The following LNX1 variants were observed in gnomAD, a reference collection of about 807,000 sequenced individuals.
The protein encoded by LNX1 is ligand of numb-protein X 1.
In LNX1, 54 loss-of-function variants were observed where a neutral mutation model predicts 68.4. The ratio of observed to expected loss-of-function variants is 0.79; its 90% CI spans 0.63 to 0.99. The LOEUF (loss-of-function observed/expected upper bound fraction) is 0.99, where lower values mean the gene tolerates loss of function less well. LNX1 is among the 50% of genes least tolerant of loss of function. LNX1 has a pLI of 0.00. For synonymous variants in LNX1, 336 were observed against 350.0 expected (o/e 0.96, Z 0.45); for missense variants, 906 against 926.4 (o/e 0.98, Z 0.29).
chr4:53,568,805 T>G (rs1269570801), intron 2 of LNX1, among the ~76,000 whole-genome samples: 1 of 152,128 alleles, frequency 6.6e-6, no homozygotes, highest in Non-Finnish European at 1.5e-5. Flanking sequence ...ATAAGCGACT[T>G]CAGCAAAGTC....
intron 6 of LNX1, among the ~76,000 whole-genome samples, chr4:53,487,670 G>A (rs1724401188): frequency 6.6e-6 from 1 of 152,172 alleles, no homozygotes; most frequent in Admixed American, 6.5e-5. Flanking sequence ...GGAGACTCAT[G>A]CTTGATTGCG....
chr4:53,547,197 C>T lies in LNX1; in HGVS notation c.380+26426G>A, dbSNP rs146449230. Among the ~76,000 whole-genome samples the T allele has an allele frequency of 7.4e-4, 113 of 152,170 alleles. 1 individual carries two copies. The highest frequency in any genetic ancestry group is 2.6e-3 in the African/African-American group (108 of 41,518). ...GACACTGCAAATTATCTTTGCATGGCGTTATCAATTCTAAGATGGAATCTA... is the reference window on the plus strand; with the variant it reads ...GACACTGCAAATTATCTTTGCATGGTGTTATCAATTCTAAGATGGAATCTA... On this transcript the variant is annotated intron_variant, in intron 2 of 10. Coordinates refer to ENST00000263925, the MANE Select transcript of LNX1 (RefSeq NM_001126328.3).
intron 2 of LNX1, among the ~76,000 whole-genome samples, chr4:53,566,943 A>C (rs2109757251): frequency 6.6e-6 from 1 of 152,336 alleles, no homozygotes; most frequent in African/African-American, 2.4e-5. Flanking sequence ...AAGAAGAGCT[A>C]ACTATCCTAA....
At position 53,575,822 on chromosome 4, in the gene LNX1, A is replaced by T; in HGVS notation, c.-86-1734T>A. On this transcript the variant is annotated intron_variant, in intron 1 of 10. Coordinates refer to ENST00000263925, the MANE Select transcript of LNX1 (RefSeq NM_001126328.3). ...CTTCCTCCAGAGGTGGCAGCAATGG[A>T]CCAGCTACTAGGGGACCTAAACAGG... The T allele has an allele frequency of 2.5e-6, 4 of 1,586,912 alleles. 1 individual carries two copies. The South Asian group carries it at 3.5e-5, about 14-fold the overall frequency.
chr4:53,570,666 A>G (rs1383659902), intron 2 of LNX1, among the ~76,000 whole-genome samples: 1 of 143,724 alleles, frequency 7.0e-6, no homozygotes, highest in Non-Finnish European at 1.5e-5. Flanking sequence ...AAGTATAATA[A>G]TAAATAAATA....
At chr4:53,525,673 T>C (rs1393235197) in intron 2 of LNX1, among the ~76,000 whole-genome samples, 3 of 152,214 alleles carry the variant, frequency 2.0e-5, no homozygotes, top group Non-Finnish European at 4.4e-5. Context: ...TGCACCAACC[T>C]AGTAACTTGA....
intron 2 of LNX1, among the ~76,000 whole-genome samples, chr4:53,604,684 A>G (rs769145351): frequency 1.3e-5 from 2 of 152,246 alleles, no homozygotes; most frequent in Non-Finnish European, 2.9e-5. Flanking sequence ...CCAAAAATGA[A>G]TTATGAATAT....
chr4:53,550,180 G>A (rs991711324), intron 2 of LNX1, among the ~76,000 whole-genome samples: 2 of 152,198 alleles, frequency 1.3e-5, no homozygotes, highest in African/African-American at 2.4e-5. Flanking sequence ...AGGGCCATGC[G>A]GCTTCAATTT....
At chr4:53,556,444 C>G (rs1408288476) in intron 2 of LNX1, among the ~76,000 whole-genome samples, 1 of 152,044 alleles carries the variant, frequency 6.6e-6, no homozygotes, top group Non-Finnish European at 1.5e-5. Flanking sequence ...GACAGCAGCC[C>G]TAGGAAACCA....
rs1191663294 is a variant in LNX1, at chr4:53,505,362, C to T, written c.775+1955G>A. Among the ~76,000 whole-genome samples, 16 of 151,648 alleles carry T rather than the reference C, an allele frequency of 1.1e-4. No homozygotes were observed. The East Asian group carries it at 2.1e-3, about 20-fold the overall frequency. ...GCCTCCCAGGTTCAAGCAATTCTCCCGCCTCAGCCTCCCAAGTAGCTGGGA... is the reference window on the plus strand; with the variant it reads ...GCCTCCCAGGTTCAAGCAATTCTCCTGCCTCAGCCTCCCAAGTAGCTGGGA... On this transcript the variant is annotated intron_variant, in intron 4 of 10. Transcript: ENST00000263925.
chr4:53,553,887 T>G (rs1312938615), intron 2 of LNX1, among the ~76,000 whole-genome samples: 2 of 152,206 alleles, frequency 1.3e-5, no homozygotes, highest in Admixed American at 6.5e-5. Context: ...ACACACCTGA[T>G]AGCAATAACT....
At chr4:53,544,332 T>C (rs1013379037) in intron 2 of LNX1, among the ~76,000 whole-genome samples, 3 of 152,186 alleles carry the variant, frequency 2.0e-5, no homozygotes, top group African/African-American at 7.2e-5. Context: ...TAGCTGGGAC[T>C]ACAGGCGCAT....
chr4:53,499,552 G>A (rs1019968548), intron 4 of LNX1, among the ~76,000 whole-genome samples: 3 of 152,170 alleles, frequency 2.0e-5, no homozygotes, highest in African/African-American at 7.2e-5. Flanking sequence ...ATCTCTGCAT[G>A]CAGAGGCCTT....
intron 2 of LNX1, among the ~76,000 whole-genome samples, chr4:53,597,236 C>T (rs2109830000): frequency 6.6e-6 from 1 of 152,302 alleles, no homozygotes; most frequent in East Asian, 1.9e-4. Context: ...CTGATCAGTC[C>T]CTCTTCCTGG....
chr4:53,546,740 C>T (rs1729143735), intron 2 of LNX1, among the ~76,000 whole-genome samples: 1 of 152,254 alleles, frequency 6.6e-6, no homozygotes. Context: ...CCTCTTCAAA[C>T]TGGGGAAGGA....
chr4:53,530,544 T>C (rs1259993736), intron 2 of LNX1, among the ~76,000 whole-genome samples: 1 of 152,226 alleles, frequency 6.6e-6, no homozygotes, highest in Non-Finnish European at 1.5e-5. Context: ...TAAAAGCTGA[T>C]AGTAGGAGTA....
intron 5 of LNX1, 148 bp from the exon 6 acceptor site, chr4:53,496,542 A>C: frequency 1.0e-6 from 1 of 973,292 alleles, no homozygotes. Context: ...GCACCTTCCA[A>C]CAGCGTTTCT....
Position 53,641,208 on chromosome 4 carries a change from T to TG in LNX1, c.-215+10959dup, listed in dbSNP as rs533562744. On this transcript the variant is annotated intron_variant, in intron 1 of 2. Transcript: ENST00000507168. ...TTCTCTGTTCTGGGGAAGGGCGGGGTGGGGGGGCACCTCCTTTACTCTCTA... is the reference window on the plus strand; with the variant it reads ...TTCTCTGTTCTGGGGAAGGGCGGGGTGGGGGGGGCACCTCCTTTACTCTCTA... 2.9e-3 allele frequency among the ~76,000 whole-genome samples: 119 copies of TG among 40,454 alleles called. 1 individual carries two copies. In the East Asian group the frequency reaches 0.053, roughly 18 times the overall value. The allele number at this position is 40,454 out of a possible 152,430, so 26.5% of individuals were successfully genotyped here. A position where few individuals can be genotyped will look rare whatever the true frequency, so the allele number is the denominator to read the frequency against.
chr4:53,642,088 G>T (rs1159138458), intron 1 of LNX1, among the ~76,000 whole-genome samples: 4 of 151,954 alleles, frequency 2.6e-5, no homozygotes, highest in African/African-American at 4.8e-5. Context: ...CAGGTTTGGT[G>T]GTACACGCCT....
Sources: allele counts gnomAD v4.1 joint callset (sites outside exome capture counted in the v4.1 genomes callset), GRCh38; gene constraint gnomAD v4.1.1; transcripts MANE v1.5; gene names NCBI Gene and HGNC (gene_info 2026-07-23, HGNC 2026-07-21).